The following HIP1 variants were observed in gnomAD, a reference collection of about 807,000 sequenced individuals.
HIP1 encodes huntingtin-interacting protein 1.
In HIP1, 65 loss-of-function variants were observed where a neutral mutation model predicts 147.6. The observed-to-expected ratio is 0.44, with a 90% confidence interval of 0.36 to 0.54. The LOEUF (loss-of-function observed/expected upper bound fraction) is 0.54. Among genes scored for constraint, HIP1 ranks in the 20% least tolerant of loss-of-function variants. HIP1 has a pLI of 0.00. For missense variants in HIP1, 1,061 were observed against 1,299.6 expected (o/e 0.82, Z 2.82); for synonymous variants, 479 against 504.0 (o/e 0.95, Z 0.67).
At chr7:75,727,478 G>C (rs112980735) in intron 1 of HIP1, among the ~76,000 whole-genome samples, 23 of 150,954 alleles carry the variant, frequency 1.5e-4, no homozygotes, top group African/African-American at 4.6e-4. Context: ...TAGGCCCTTT[G>C]ATAATTATGT....
intron 1 of HIP1, among the ~76,000 whole-genome samples, chr7:75,663,230 C>T (rs901412063): frequency 1.3e-5 from 2 of 152,120 alleles, no homozygotes; most frequent in African/African-American, 2.4e-5. Flanking sequence ...AGGAAGATCC[C>T]GGACAGCGTC....
At chr7:75,587,694 T>C (rs1554499855) in intron 4 of HIP1, among the ~76,000 whole-genome samples, 1 of 152,158 alleles carries the variant, frequency 6.6e-6, no homozygotes, top group Non-Finnish European at 1.5e-5. Context: ...CCAGGTGCAG[T>C]GGCTCATGCC....
At chr7:75,640,133 G>A (rs1798600528) in intron 1 of HIP1, among the ~76,000 whole-genome samples, 1 of 152,208 alleles carries the variant, frequency 6.6e-6, no homozygotes, top group Non-Finnish European at 1.5e-5. Flanking sequence ...TGCTCCTTTG[G>A]GGCAAGTTCT....
At chr7:75,667,875 C>T (rs565574836) in intron 1 of HIP1, among the ~76,000 whole-genome samples, 56 of 152,314 alleles carry the variant, frequency 3.7e-4, no homozygotes, top group Admixed American at 7.8e-4. Flanking sequence ...GATTGTAAGA[C>T]GCAATGCCAA....
chr7:75,664,513 T>C (rs1799493545), intron 1 of HIP1, among the ~76,000 whole-genome samples: 2 of 150,442 alleles, frequency 1.3e-5, no homozygotes, highest in Non-Finnish European at 3.0e-5. Context: ...TATGTATGTG[T>C]ATGTATACGT....
At chr7:75,555,692 G>A (rs1794974611) in intron 18 of HIP1, 141 bp from the exon 19 acceptor site, 1 of 916,460 alleles carries the variant, frequency 1.1e-6, no homozygotes, top group East Asian at 2.6e-5. Flanking sequence ...ACAGAGAAAG[G>A]CGCTTTAACT....
intron 1 of HIP1, among the ~76,000 whole-genome samples, chr7:75,679,301 T>TCA (rs782355002): frequency 1.3e-4 from 20 of 152,190 alleles, no homozygotes; most frequent in Non-Finnish European, 2.6e-4. Context: ...ACCTCCTGGC[T>TCA]CCAGTGATCC....
rs1053405421 is a variant in HIP1 at position 75,570,660 on chromosome 7, G to A, written c.746-2404C>T. On this transcript the variant is annotated intron_variant, in intron 8 of 30. Coordinates refer to ENST00000336926, the MANE Select transcript of HIP1 (RefSeq NM_005338.7). ...TGGAACTGGGTATACGAGAACTCTC[G>A]GTACTATTTTTATAACTTTTCTGTA... Among the ~76,000 whole-genome samples the A allele has an allele frequency of 7.9e-5, 12 of 152,050 alleles. No homozygotes were observed. The East Asian group carries it at 2.1e-3, about 27-fold the overall frequency.
chr7:75,639,280 A>AGGGGGAG (rs1798559221), intron 1 of HIP1: 1 of 7,436 alleles, frequency 1.3e-4, no homozygotes, highest in African/African-American at 3.5e-4. Context: ...GGGGAGGGGG[A>AGGGGGAG]GGGGGGCGGG....
intron 1 of HIP1, among the ~76,000 whole-genome samples, chr7:75,689,729 T>C (rs1214150270): frequency 6.6e-6 from 1 of 152,106 alleles, no homozygotes; most frequent in African/African-American, 2.4e-5. Flanking sequence ...GGGAGGGCTA[T>C]TGTTGAAAGA....
At chr7:75,688,750 C>T (rs1800350398) in intron 1 of HIP1, among the ~76,000 whole-genome samples, 2 of 152,144 alleles carry the variant, frequency 1.3e-5, no homozygotes, top group Admixed American at 1.3e-4. Flanking sequence ...CCCCCAACAG[C>T]CAGCTTCAAA....
chr7:75,734,936 C>T (rs760173619), intron 1 of HIP1, among the ~76,000 whole-genome samples: 2 of 152,172 alleles, frequency 1.3e-5, no homozygotes, highest in Non-Finnish European at 2.9e-5. Context: ...TATCCCATTA[C>T]CTAGTACCAC....
In HIP1 at chr7:75,536,783, G is replaced by A. The variant is rs1224433994; in HGVS notation, c.*1389C>T. On this transcript the variant is annotated 3_prime_UTR_variant, in exon 31 of 31. Coordinates refer to ENST00000336926, the MANE Select transcript of HIP1 (RefSeq NM_005338.7). ...CACCTTGGCCTTTCTTCTGATTCTT[G>A]AAGGCTGATGTAGCCGGGCAGAAAG... is the stretch of plus-strand genomic sequence containing the variant. 4.4e-6 allele frequency: 1 copy of A among 229,728 alleles called. No homozygotes were observed. Among genetic ancestry groups the A allele is most frequent in the Non-Finnish European group, 8.6e-6 (1 of 115,908 alleles). The allele number at this position is 229,728 out of a possible 1,614,324, so 14.2% of individuals were successfully genotyped here.
chr7:75,595,743 G>A (rs1041028609), intron 2 of HIP1, among the ~76,000 whole-genome samples: 3 of 152,080 alleles, frequency 2.0e-5, no homozygotes, highest in Non-Finnish European at 4.4e-5. Flanking sequence ...GTCAAAGCCT[G>A]TAAAATCCAT....
chr7:75,579,773 G>A (rs1217170844), intron 7 of HIP1, among the ~76,000 whole-genome samples: 1 of 152,190 alleles, frequency 6.6e-6, no homozygotes, highest in African/African-American at 2.4e-5. Flanking sequence ...CGGGGTCAGA[G>A]AGTCCAAGCC....
chr7:75,554,213 A>T lies in HIP1; in HGVS notation c.2058T>A (p.Ser686Arg). The part of the protein sequence containing the change: ...SQYLACPEDI[S>R]GLLHSITLLA... ...GCAGGGTTATGGAATGGAGAAGTCC[A>T]CTGATGTCTGCCAGGATTGGAAAGA... The change falls in exon 21 of 31, where the codon AGT (serine) becomes AGA (arginine). Residue 686 changes from serine to arginine, a missense_variant. Around this residue, in one of 3 missense-constraint regions of HIP1, gnomAD observed 810 missense variants for 946.8 expected, o/e 0.86. Coordinates refer to ENST00000336926, the MANE Select transcript of HIP1 (RefSeq NM_005338.7). 1 of 1,613,310 alleles carries T rather than the reference A, an allele frequency of 6.2e-7. No homozygotes were observed. The highest frequency in any genetic ancestry group is 8.5e-7 in the Non-Finnish European group (1 of 1,179,376).
intron 1 of HIP1, among the ~76,000 whole-genome samples, chr7:75,702,106 T>G (rs1554519209): frequency 6.6e-6 from 1 of 150,814 alleles, no homozygotes; most frequent in East Asian, 1.9e-4. Flanking sequence ...ATTTTTGTAT[T>G]TTTTTCTTTC....
intron 1 of HIP1, among the ~76,000 whole-genome samples, chr7:75,670,213 C>T (rs1436556860): frequency 1.3e-5 from 2 of 152,106 alleles, no homozygotes; most frequent in East Asian, 3.9e-4. Flanking sequence ...TGTGGTGGTA[C>T]AATCACAGTT....
chr7:75,535,331 C>T lies in HIP1; in HGVS notation c.*2841G>A, dbSNP rs1469104514. 5.1e-6 allele frequency: 1 copy of T among 194,448 alleles called. No homozygotes were observed. The highest frequency in any genetic ancestry group is 2.3e-5 in the African/African-American group (1 of 43,090). 12.0% of individuals were successfully genotyped at this position (194,448 alleles called of 1,614,324 possible). A position where few individuals can be genotyped will look rare whatever the true frequency, so the allele number is the denominator to read the frequency against. ...GGGAAATCATGGCTCATTGCAGCCT[C>T]AAACTCCTGGGCTGGGCTCTGACAC... On this transcript the variant is annotated 3_prime_UTR_variant, in exon 31 of 31. Transcript: ENST00000336926.
Sources: allele counts gnomAD v4.1 joint callset (sites outside exome capture counted in the v4.1 genomes callset), GRCh38; gene constraint gnomAD v4.1.1; regional missense constraint gnomAD v4.1.1; transcripts MANE v1.5; gene names NCBI Gene and HGNC (gene_info 2026-07-23, HGNC 2026-07-21).